The following ANKS1B variants were observed in gnomAD, a reference collection of about 807,000 sequenced individuals.
The protein encoded by ANKS1B is ankyrin repeat and sterile alpha motif domain-containing protein 1B.
Under a neutral mutation model 148.3 loss-of-function variants are expected in ANKS1B, and 36 were observed. The ratio of observed to expected loss-of-function variants is 0.24; its 90% CI spans 0.19 to 0.32. The LOEUF is 0.32. Among genes scored for constraint, ANKS1B ranks in the 10% least tolerant of loss-of-function variants. The pLI is 1.00. For synonymous variants in ANKS1B, 542 were observed against 560.8 expected (o/e 0.97, Z 0.47); for missense variants, 1,157 against 1,542.6 (o/e 0.75, Z 4.19).
At chr12:98,857,256 A>T (rs2099576673) in intron 17 of ANKS1B, among the ~76,000 whole-genome samples, 1 of 152,234 alleles carries the variant, frequency 6.6e-6, no homozygotes, top group Non-Finnish European at 1.5e-5. Context: ...CACAGGGAAG[A>T]GGAGATGTAA....
At position 98,900,633 on chromosome 12, in the gene ANKS1B, A is replaced by T. The variant is rs149888949; in HGVS notation, c.2779-68497T>A. On this transcript the variant is annotated intron_variant, in intron 17 of 26. Coordinates refer to ENST00000683438, the MANE Select transcript of ANKS1B (RefSeq NM_001352186.2). ...ATTAAAGCTCTGATAATTTAGAGTG[A>T]ATCTTAGAAATAGAAATGTTTTAAA... Among the ~76,000 whole-genome samples the T allele has an allele frequency of 4.7e-4, 71 of 152,330 alleles. 1 individual carries two copies. The highest frequency in any genetic ancestry group is 1.7e-3 in the African/African-American group (70 of 41,570).
intron 16 of ANKS1B, among the ~76,000 whole-genome samples, chr12:99,077,130 C>T (rs2048139134): frequency 6.6e-6 from 1 of 152,062 alleles, no homozygotes; most frequent in Non-Finnish European, 1.5e-5. Flanking sequence ...CTGGGAATAC[C>T]ACAGCCTGTC....
At chr12:99,412,950 G>A (rs141742255) in intron 11 of ANKS1B, among the ~76,000 whole-genome samples, 92 of 152,256 alleles carry the variant, frequency 6.0e-4, no homozygotes, top group African/African-American at 2.0e-3. Flanking sequence ...TTTTTTGGTT[G>A]TTATGAATAT....
At chr12:99,454,891 A>G (rs1007797626) in intron 10 of ANKS1B, among the ~76,000 whole-genome samples, 6 of 152,224 alleles carry the variant, frequency 3.9e-5, no homozygotes, top group Non-Finnish European at 7.3e-5. Context: ...AGGCCATAGA[A>G]GATGGGTTCC....
chr12:99,628,230 C>T (rs564455881), intron 9 of ANKS1B, among the ~76,000 whole-genome samples: 1 of 152,108 alleles, frequency 6.6e-6, no homozygotes, highest in Admixed American at 6.5e-5. Flanking sequence ...TCATTATAAT[C>T]TTATGAGCCC....
chr12:99,795,868 G>A (rs1029840277), intron 4 of ANKS1B, among the ~76,000 whole-genome samples: 3 of 152,026 alleles, frequency 2.0e-5, no homozygotes, highest in Non-Finnish European at 4.4e-5. Flanking sequence ...TGTAACTTCT[G>A]TAGTTTGAGG....
At chr12:99,686,451 G>C (rs961114667) in intron 8 of ANKS1B, among the ~76,000 whole-genome samples, 4 of 152,146 alleles carry the variant, frequency 2.6e-5, no homozygotes, top group African/African-American at 9.7e-5. Flanking sequence ...AAAGCTCACT[G>C]CTCATGCTGC....
At chr12:99,002,623 C>T (rs2099933724) in intron 17 of ANKS1B, among the ~76,000 whole-genome samples, 1 of 151,908 alleles carries the variant, frequency 6.6e-6, no homozygotes, top group Non-Finnish European at 1.5e-5. Flanking sequence ...TTCATGTTGG[C>T]CATTTGTATG....
intron 12 of ANKS1B, among the ~76,000 whole-genome samples, chr12:99,284,770 G>T (rs534917928): frequency 1.3e-5 from 2 of 152,062 alleles, no homozygotes; most frequent in South Asian, 4.1e-4. Context: ...TTGGAACAAC[G>T]TCCAAGCTCC....
intron 10 of ANKS1B, among the ~76,000 whole-genome samples, chr12:99,469,330 A>G (rs1048452918): frequency 2.0e-5 from 3 of 150,818 alleles, no homozygotes; most frequent in Non-Finnish European, 3.0e-5. Flanking sequence ...TGGGAGATAT[A>G]CCTAATGCCA....
chr12:98,880,973 C>G (rs921414877), intron 17 of ANKS1B, among the ~76,000 whole-genome samples: 21 of 151,756 alleles, frequency 1.4e-4, no homozygotes, highest in Admixed American at 5.9e-4. Flanking sequence ...CAAACAGACA[C>G]TGCTTTAATT....
At chr12:98,808,768 C>G (rs2153618089) in intron 19 of ANKS1B, among the ~76,000 whole-genome samples, 1 of 152,302 alleles carries the variant, frequency 6.6e-6, no homozygotes, top group South Asian at 2.1e-4. Context: ...ATCCCAAGTT[C>G]TGTTCCCGAA....
chr12:99,166,277 G>A (rs1332297408), intron 14 of ANKS1B, among the ~76,000 whole-genome samples: 1 of 151,652 alleles, frequency 6.6e-6, no homozygotes, highest in Non-Finnish European at 1.5e-5. Flanking sequence ...GGTGCAGTAA[G>A]TTACAAAAAA....
intron 4 of ANKS1B, among the ~76,000 whole-genome samples, chr12:99,794,278 T>G (rs2065979704): frequency 6.6e-6 from 1 of 151,854 alleles, no homozygotes; most frequent in Admixed American, 6.6e-5. Flanking sequence ...CTCAAGAAAC[T>G]AAAAATAGAG....
At chr12:99,829,823 C>CG (rs1207373121) in intron 1 of ANKS1B, among the ~76,000 whole-genome samples, 15 of 151,794 alleles carry the variant, frequency 9.9e-5, no homozygotes, top group African/African-American at 3.4e-4. Context: ...GAGTGAGATT[C>CG]GGTCTCAAAA....
intron 1 of ANKS1B, among the ~76,000 whole-genome samples, chr12:99,953,186 G>C (rs2095257033): frequency 6.6e-6 from 1 of 152,008 alleles, no homozygotes; most frequent in Non-Finnish European, 1.5e-5. Flanking sequence ...CCTAAGCTAG[G>C]AAAAAGAAAC....
At chr12:99,313,907 G>T (rs1358514097) in intron 12 of ANKS1B, among the ~76,000 whole-genome samples, 3 of 152,186 alleles carry the variant, frequency 2.0e-5, no homozygotes. Flanking sequence ...AGTATTGGAA[G>T]TTCTGGCTAG....
rs749818715 is a variant in ANKS1B at position 99,677,833 on chromosome 12, C to T, written c.1129-22623G>A. Among the ~76,000 whole-genome samples the T allele has an allele frequency of 3.3e-5, 5 of 151,776 alleles. No individual in the cohort carries two copies. In the East Asian group the frequency reaches 5.8e-4, roughly 18 times the overall value. On this transcript the variant is annotated intron_variant, in intron 8 of 26. Coordinates refer to ENST00000683438, the MANE Select transcript of ANKS1B (RefSeq NM_001352186.2). Reference sequence around the variant, plus strand: ...CTAAAAATACAAAAAATTAGCCGGGCGTGGTGGCACGCGCCTGTAGTCCCA... The same window carrying T: ...CTAAAAATACAAAAAATTAGCCGGGTGTGGTGGCACGCGCCTGTAGTCCCA...
At chr12:99,106,943 A>G (rs2059346610) in intron 15 of ANKS1B, among the ~76,000 whole-genome samples, 1 of 152,184 alleles carries the variant, frequency 6.6e-6, no homozygotes, top group African/African-American at 2.4e-5. Flanking sequence ...GGTCCTGACT[A>G]TCTTGAGAAT....
Sources: allele counts gnomAD v4.1 joint callset (sites outside exome capture counted in the v4.1 genomes callset), GRCh38; gene constraint gnomAD v4.1.1; transcripts MANE v1.5; gene names NCBI Gene and HGNC (gene_info 2026-07-23, HGNC 2026-07-21).